CNTNAP2: variants seen among roughly 807,000 people sequenced by gnomAD.
The protein encoded by CNTNAP2 is contactin associated protein 2, also known as contactin-associated protein-like 2.
A neutral mutation model predicts 155.2 loss-of-function variants in CNTNAP2; 98 were observed. The ratio of observed to expected loss-of-function variants is 0.63; its 90% CI spans 0.54 to 0.75. CNTNAP2 has a LOEUF of 0.75. Among genes scored for constraint, CNTNAP2 ranks in the 30% least tolerant of loss-of-function variants. CNTNAP2 has a pLI of 0.00. For synonymous variants in CNTNAP2, 651 were observed against 631.2 expected (o/e 1.03, Z -0.47); for missense variants, 1,727 against 1,688.1 (o/e 1.02, Z -0.40).
intron 1 of CNTNAP2, among the ~76,000 whole-genome samples, chr7:146,475,340 G>A (rs1796862215): frequency 6.6e-6 from 1 of 152,240 alleles, no homozygotes; most frequent in East Asian, 1.9e-4. Context: ...TAGAACAGAG[G>A]AAATTCAGTT....
chr7:146,158,824 A>G (rs1056297496), intron 1 of CNTNAP2, among the ~76,000 whole-genome samples: 1 of 152,222 alleles, frequency 6.6e-6, no homozygotes, highest in African/African-American at 2.4e-5. Flanking sequence ...ACTTCTGGAT[A>G]TTATCCAGGA....
At chr7:147,919,995 C>T (rs1800241252) in intron 14 of CNTNAP2, among the ~76,000 whole-genome samples, 1 of 152,034 alleles carries the variant, frequency 6.6e-6, no homozygotes, top group Non-Finnish European at 1.5e-5. Flanking sequence ...CCCCGTAAAG[C>T]TTTATTTTTT....
intron 11 of CNTNAP2, among the ~76,000 whole-genome samples, chr7:147,491,087 C>G (rs934303589): frequency 6.6e-6 from 1 of 152,082 alleles, no homozygotes; most frequent in Admixed American, 6.5e-5. Flanking sequence ...GGACACAGAG[C>G]CAAACCATAG....
At position 147,934,776 on chromosome 7, in the gene CNTNAP2, G is replaced by A. The variant is rs1445135310; in HGVS notation, c.2255+31055G>A. Among the ~76,000 whole-genome samples the A allele has an allele frequency of 4.6e-5, 7 of 152,234 alleles. No individual in the cohort carries two copies. The East Asian group carries it at 5.8e-4, about 13-fold the overall frequency. ...TAAATGAATATAACAGGTTCTTGTAGATAACTCATATACAGAGATCCAAAA... is the reference window on the plus strand; with the variant it reads ...TAAATGAATATAACAGGTTCTTGTAAATAACTCATATACAGAGATCCAAAA... On this transcript the variant is annotated intron_variant, in intron 14 of 23. Transcript: ENST00000361727.
chr7:146,282,811 T>C (rs1800270982), intron 1 of CNTNAP2, among the ~76,000 whole-genome samples: 2 of 152,316 alleles, frequency 1.3e-5, no homozygotes, highest in Non-Finnish European at 2.9e-5. Flanking sequence ...GTCAGAGTAT[T>C]TGAAGTTTTG....
At chr7:146,475,155 C>G (rs1207405677) in intron 1 of CNTNAP2, among the ~76,000 whole-genome samples, 2 of 152,022 alleles carry the variant, frequency 1.3e-5, no homozygotes, top group African/African-American at 4.8e-5. Flanking sequence ...ATATTTTGAA[C>G]TTTTGGATAA....
chr7:146,324,537 G>A (rs1416256670), intron 1 of CNTNAP2, among the ~76,000 whole-genome samples: 1 of 152,112 alleles, frequency 6.6e-6, no homozygotes, highest in Non-Finnish European at 1.5e-5. Flanking sequence ...TACTTAGATG[G>A]CAGAGGATTT....
At chr7:146,153,949 T>TTTTTG in intron 1 of CNTNAP2, among the ~76,000 whole-genome samples, 1 of 152,326 alleles carries the variant, frequency 6.6e-6, no homozygotes, top group South Asian at 2.1e-4. Flanking sequence ...TCATTCCACC[T>TTTTTG]TTTTGTTTTG....
intron 15 of CNTNAP2, among the ~76,000 whole-genome samples, chr7:148,038,559 C>T (rs1802611264): frequency 6.6e-6 from 1 of 152,160 alleles, no homozygotes; most frequent in African/African-American, 2.4e-5. Flanking sequence ...TTTCCCTCCC[C>T]AAATGGTGAA....
chr7:146,559,335 C>T (rs1379866062), intron 1 of CNTNAP2, among the ~76,000 whole-genome samples: 1 of 151,946 alleles, frequency 6.6e-6, no homozygotes, highest in African/African-American at 2.4e-5. Context: ...CTTGAGAGGC[C>T]GAGGTGGGCA....
chr7:146,328,292 A>G (rs1453977237), intron 1 of CNTNAP2, among the ~76,000 whole-genome samples: 3 of 152,178 alleles, frequency 2.0e-5, no homozygotes, highest in Non-Finnish European at 2.9e-5. Flanking sequence ...CCTCCTGTCC[A>G]TGGAAAAATT....
chr7:147,345,627 C>T (rs1795840554), intron 9 of CNTNAP2, among the ~76,000 whole-genome samples: 1 of 152,070 alleles, frequency 6.6e-6, no homozygotes, highest in African/African-American at 2.4e-5. Flanking sequence ...CATATGGTTG[C>T]CAAAGATAAG....
intron 2 of CNTNAP2, among the ~76,000 whole-genome samples, chr7:146,826,628 T>C (rs1585109854): frequency 6.6e-6 from 1 of 152,176 alleles, no homozygotes; most frequent in East Asian, 1.9e-4. Context: ...GATGTGCTAA[T>C]GCATGAGTGA....
chr7:146,306,544 C>T (rs1800716154), intron 1 of CNTNAP2, among the ~76,000 whole-genome samples: 1 of 152,086 alleles, frequency 6.6e-6, no homozygotes, highest in Admixed American at 6.5e-5. Flanking sequence ...AAAGCTTATC[C>T]ACCACGATCA....
chr7:146,461,400 G>A (rs1368295561), intron 1 of CNTNAP2, among the ~76,000 whole-genome samples: 9 of 128,738 alleles, frequency 7.0e-5, no homozygotes, highest in South Asian at 6.8e-4. Flanking sequence ...GCAAGACTCC[G>A]TCTCAAAAAA....
At chr7:146,704,195 T>C (rs1800924439) in intron 1 of CNTNAP2, among the ~76,000 whole-genome samples, 1 of 152,152 alleles carries the variant, frequency 6.6e-6, no homozygotes, top group Admixed American at 6.6e-5. Context: ...AGTATGTCAT[T>C]GCCACTCATT....
chr7:146,836,720 C>A (rs949067425), intron 2 of CNTNAP2, among the ~76,000 whole-genome samples: 3 of 152,040 alleles, frequency 2.0e-5, no homozygotes, highest in African/African-American at 7.2e-5. Flanking sequence ...TTTAAGCACT[C>A]ATTTCGTCAT....
chr7:147,901,642 G>T (rs1336447720), intron 13 of CNTNAP2, among the ~76,000 whole-genome samples: 2 of 152,090 alleles, frequency 1.3e-5, no homozygotes, highest in African/African-American at 4.8e-5. Flanking sequence ...TGTCCTTATT[G>T]ATCTGTGTAA....
chr7:147,670,953 C>T (rs1185631304), intron 13 of CNTNAP2, among the ~76,000 whole-genome samples: 2 of 152,220 alleles, frequency 1.3e-5, no homozygotes, highest in African/African-American at 4.8e-5. Context: ...GTAACACTCC[C>T]TCTGGAGCTT....
Sources: allele counts gnomAD v4.1 joint callset (sites outside exome capture counted in the v4.1 genomes callset), GRCh38; gene constraint gnomAD v4.1.1; transcripts MANE v1.5; gene names NCBI Gene and HGNC (gene_info 2026-07-23, HGNC 2026-07-21).